Variants in DTNB observed in about 807,000 individuals in gnomAD.
DTNB encodes the protein DTN-B.
DTNB carries 63 observed loss-of-function variants against 90.7 expected under a neutral mutation model. The ratio of observed to expected loss-of-function variants is 0.69; its 90% CI spans 0.57 to 0.86. DTNB has a LOEUF of 0.86. Ranked by LOEUF, DTNB falls within the 40% of genes least tolerant of loss-of-function variation. The pLI is 0.00. For synonymous variants in DTNB, 277 were observed against 286.7 expected (o/e 0.97, Z 0.34); for missense variants, 744 against 807.1 (o/e 0.92, Z 0.95).
chr2:25,471,318 A>C (rs1380771802), intron 10 of DTNB, among the ~76,000 whole-genome samples: 4 of 152,082 alleles, frequency 2.6e-5, no homozygotes, highest in African/African-American at 7.2e-5. Context: ...CGTCTTGATG[A>C]AGTAGCAGTC....
intron 12 of DTNB, among the ~76,000 whole-genome samples, chr2:25,443,275 C>T (rs1339402045): frequency 6.6e-6 from 1 of 152,160 alleles, no homozygotes; most frequent in African/African-American, 2.4e-5. Context: ...GTTGAGGTCC[C>T]TTTAGTCCTT....
chr2:25,610,701 T>C (rs1484230370), intron 4 of DTNB, among the ~76,000 whole-genome samples: 2 of 142,892 alleles, frequency 1.4e-5, no homozygotes, highest in Admixed American at 7.4e-5. Context: ...CTTCCCACCG[T>C]GGTAACTTCT....
intron 9 of DTNB, among the ~76,000 whole-genome samples, chr2:25,496,523 C>T (rs2068876508): frequency 6.6e-6 from 1 of 152,114 alleles, no homozygotes; most frequent in African/African-American, 2.4e-5. Flanking sequence ...GACAGGCTGA[C>T]TCTCACATAT....
At chr2:25,495,001 T>C (rs545376073) in intron 9 of DTNB, among the ~76,000 whole-genome samples, 1 of 151,928 alleles carries the variant, frequency 6.6e-6, no homozygotes, top group African/African-American at 2.4e-5. Flanking sequence ...AAGTGTCAAA[T>C]GACAGTGCTC....
intron 1 of DTNB, among the ~76,000 whole-genome samples, chr2:25,661,014 T>C (rs1168192478): frequency 6.6e-6 from 1 of 152,254 alleles, no homozygotes; most frequent in Non-Finnish European, 1.5e-5. Context: ...TATCATCTCA[T>C]TGTGGTCTTG....
intron 8 of DTNB, among the ~76,000 whole-genome samples, chr2:25,551,220 GTTTA>G (rs1185352728): frequency 6.6e-6 from 1 of 152,098 alleles, no homozygotes; most frequent in African/African-American, 2.4e-5. Context: ...ACGACTGCCT[GTTTA>G]TTATGATTTC....
chr2:25,401,668 A>T (rs981977281), intron 16 of DTNB, among the ~76,000 whole-genome samples: 1 of 152,256 alleles, frequency 6.6e-6, no homozygotes, highest in African/African-American at 2.4e-5. Context: ...CACACATTAT[A>T]GTCAGGTAAA....
intron 20 of DTNB, among the ~76,000 whole-genome samples, chr2:25,378,425 T>A (rs1389260472): frequency 1.3e-5 from 2 of 152,144 alleles, no homozygotes; most frequent in Non-Finnish European, 2.9e-5. Context: ...AGGCCTTCAA[T>A]GGCCTGGCGC....
chr2:25,620,234 G>C (rs1040538251), intron 4 of DTNB, among the ~76,000 whole-genome samples: 6 of 151,906 alleles, frequency 3.9e-5, no homozygotes, highest in African/African-American at 1.5e-4. Context: ...TTAGAGGTTG[G>C]TGTGGGCAGG....
Position 25,428,430 on chromosome 2 carries a change from GCTTT to G in DTNB, c.1458-803_1458-800del, listed in dbSNP as rs1283233254. Among the ~76,000 whole-genome samples the G allele has an allele frequency of 3.3e-5, 5 of 150,004 alleles. No individual in the cohort carries two copies. The South Asian group carries it at 6.3e-4, about 19-fold the overall frequency. Reference sequence around the variant, plus strand: ...ACAGTCTCCTTATGTGATTAATCCTGCTTTCTTTTTTTTTTTTTTTGTGACGGAG... The same window carrying G: ...ACAGTCTCCTTATGTGATTAATCCTGCTTTTTTTTTTTTTTTGTGACGGAG... On this transcript the variant is annotated intron_variant, in intron 14 of 20. Transcript: ENST00000406818.
At chr2:25,437,337 C>T (rs1194039693) in intron 12 of DTNB, among the ~76,000 whole-genome samples, 1 of 151,844 alleles carries the variant, frequency 6.6e-6, no homozygotes, top group Non-Finnish European at 1.5e-5. Flanking sequence ...TCTCGGTTCA[C>T]TGCAGCCTCC....
chr2:25,465,667 T>A (rs1002089044), intron 10 of DTNB, among the ~76,000 whole-genome samples: 9 of 152,056 alleles, frequency 5.9e-5, no homozygotes, highest in African/African-American at 1.9e-4. Context: ...TCCTCCCCAT[T>A]CCCTCTGCCT....
chr2:25,586,892 A>T (rs2062541520), intron 6 of DTNB, among the ~76,000 whole-genome samples: 1 of 152,238 alleles, frequency 6.6e-6, no homozygotes, highest in African/African-American at 2.4e-5. Context: ...ATGCAAATCA[A>T]AACTACACTG....
intron 3 of DTNB, among the ~76,000 whole-genome samples, chr2:25,638,391 T>G (rs748640540): frequency 1.4e-4 from 22 of 152,152 alleles, no homozygotes; most frequent in Non-Finnish European, 3.1e-4. Context: ...AAACCAAGGT[T>G]TTTCAATTCT....
chr2:25,645,906 C>G (rs1476783236), intron 2 of DTNB, among the ~76,000 whole-genome samples: 2 of 151,830 alleles, frequency 1.3e-5, no homozygotes, highest in Non-Finnish European at 2.9e-5. Context: ...AACTCACAAC[C>G]AAGTAGAGGG....
At chr2:25,646,435 G>C (rs2079478178) in intron 2 of DTNB, among the ~76,000 whole-genome samples, 1 of 151,698 alleles carries the variant, frequency 6.6e-6, no homozygotes, top group Non-Finnish European at 1.5e-5. Context: ...TCATGCCATT[G>C]CACTCCAGCC....
chr2:25,490,841 A>C (rs373577836), intron 9 of DTNB, among the ~76,000 whole-genome samples: 4 of 152,174 alleles, frequency 2.6e-5, no homozygotes, highest in African/African-American at 9.7e-5. Context: ...CTGTCTTCAC[A>C]ATAGTCGTAT....
rs1291430386 is a variant in DTNB, at chr2:25,663,984, ATGAC to A, written c.-2+9398_-2+9401del. On this transcript the variant is annotated intron_variant, in intron 1 of 20. Coordinates refer to ENST00000406818, the MANE Select transcript of DTNB (RefSeq NM_021907.5). ...TAATAAAATTTTAAGGTACTGGATT[ATGAC>A]TGACAATCACTGAAAAACATCAATA... Among the ~76,000 whole-genome samples, 9 of 152,322 alleles carry A rather than the reference ATGAC, an allele frequency of 5.9e-5. No individual in the cohort carries two copies. In the East Asian group the frequency reaches 1.7e-3, roughly 29 times the overall value.
intron 9 of DTNB, among the ~76,000 whole-genome samples, chr2:25,489,950 G>T (rs1044635002): frequency 4.6e-5 from 7 of 152,144 alleles, no homozygotes; most frequent in African/African-American, 1.7e-4. Flanking sequence ...TGTTTAAAAA[G>T]AAGAAATACA....
Sources: allele counts gnomAD v4.1 joint callset (sites outside exome capture counted in the v4.1 genomes callset), GRCh38; gene constraint gnomAD v4.1.1; transcripts MANE v1.5; gene names NCBI Gene and HGNC (gene_info 2026-07-23, HGNC 2026-07-21).